The following ARMH3 variants were observed in gnomAD, a reference collection of about 807,000 sequenced individuals.
The protein encoded by ARMH3 is armadillo-like helical domain-containing protein 3.
Under a neutral mutation model 99.1 loss-of-function variants are expected in ARMH3, and 60 were observed. That is an observed-to-expected ratio of 0.61 (90% confidence interval 0.49 to 0.75). ARMH3 has a LOEUF of 0.75. ARMH3 is among the 30% of genes least tolerant of loss of function. The pLI is 0.00. For synonymous variants in ARMH3, 285 were observed against 292.8 expected (o/e 0.97, Z 0.27); for missense variants, 679 against 843.1 (o/e 0.81, Z 2.41).
chr10:102,033,401 T>C, intron 2 of ARMH3, 62 bp from the exon 3 acceptor site: 3 of 1,493,544 alleles, frequency 2.0e-6, no homozygotes, highest in South Asian at 1.2e-5. Context: ...TTAAGAATAC[T>C]ATACATAGTC....
chr10:101,957,880 G>T, intron 20 of ARMH3, 148 bp from the exon 21 acceptor site: 1 of 1,190,306 alleles, frequency 8.4e-7, no homozygotes, highest in Non-Finnish European at 1.1e-6. Context: ...AGGTAAGGTA[G>T]GTATATTTGA....
At chr10:101,985,189 T>G (rs1444913968) in intron 19 of ARMH3, among the ~76,000 whole-genome samples, 1 of 147,234 alleles carries the variant, frequency 6.8e-6, no homozygotes, top group African/African-American at 2.5e-5. Context: ...TGAATATATA[T>G]GTGTGTATAT....
rs2066579211 is a variant in ARMH3, at chr10:102,009,383, T to C, written c.945A>G (p.Val315=). The C allele has an allele frequency of 1.9e-6, 3 of 1,613,518 alleles. No homozygotes were observed. Among genetic ancestry groups the C allele is most frequent in the East Asian group, 2.2e-5 (1 of 44,874 alleles). ...TTTTAATGTGACCAACCTGAGCTAA[T>C]ACTGTGATGAAGTTGCGATTTAAAT... ...AVHLNRNFIT[V]LAQSHPEMGL... is the part of the protein sequence containing the mutation. The change falls in exon 13 of 26, where the codon GTA becomes GTG. Residue 315 remains valine (V), a synonymous_variant. Coordinates refer to ENST00000370033, the MANE Select transcript of ARMH3 (RefSeq NM_024541.3).
intron 8 of ARMH3, among the ~76,000 whole-genome samples, chr10:102,016,339 A>G (rs922394074): frequency 6.6e-6 from 1 of 152,222 alleles, no homozygotes; most frequent in African/African-American, 2.4e-5. Flanking sequence ...TCAGATTTTC[A>G]GATAAGAAAT....
At chr10:102,027,230 G>A (rs1026548210) in intron 5 of ARMH3, among the ~76,000 whole-genome samples, 1 of 144,798 alleles carries the variant, frequency 6.9e-6, no homozygotes, top group Admixed American at 7.2e-5. Context: ...AGTGAGCCGA[G>A]ATTGCACCAC....
At chr10:101,999,690 T>C (rs760915728) in intron 15 of ARMH3, among the ~76,000 whole-genome samples, 1 of 152,216 alleles carries the variant, frequency 6.6e-6, no homozygotes, top group Non-Finnish European at 1.5e-5. Context: ...GATATAATAA[T>C]GGTATTCTGG....
chr10:102,009,227 C>G, intron 13 of ARMH3, 147 bp downstream of exon 13: 1 of 720,532 alleles, frequency 1.4e-6, no homozygotes, highest in East Asian at 2.5e-5. Context: ...CAGCAGGAAA[C>G]AAAGGCAACT....
chr10:101,997,506 C>T (rs1397291861), intron 15 of ARMH3, among the ~76,000 whole-genome samples: 4 of 150,646 alleles, frequency 2.7e-5, no homozygotes, highest in African/African-American at 2.5e-5. Context: ...GCAGGGGAAT[C>T]GCTTGAACCC....
At chr10:101,908,084 C>A (rs886618912) in intron 23 of ARMH3, among the ~76,000 whole-genome samples, 4 of 151,908 alleles carry the variant, frequency 2.6e-5, no homozygotes, top group African/African-American at 9.7e-5. Flanking sequence ...AACTAAAGAA[C>A]TGAATTTTAA....
intron 2 of ARMH3, among the ~76,000 whole-genome samples, chr10:102,037,016 C>A (rs2067293840): frequency 6.6e-6 from 1 of 151,744 alleles, no homozygotes; most frequent in Non-Finnish European, 1.5e-5. Flanking sequence ...CACGCCACTG[C>A]ACTCCAGCTT....
intron 23 of ARMH3, among the ~76,000 whole-genome samples, chr10:101,938,350 C>G (rs576737131): frequency 6.6e-6 from 1 of 152,210 alleles, no homozygotes; most frequent in East Asian, 1.9e-4. Context: ...CAGCCCAGTC[C>G]TTTCTTAGCT....
At chr10:102,047,351 G>C (rs1269594037) in intron 1 of ARMH3, among the ~76,000 whole-genome samples, 1 of 152,114 alleles carries the variant, frequency 6.6e-6, no homozygotes, top group Non-Finnish European at 1.5e-5. Context: ...AGTCAACTAA[G>C]AGTCTGTACA....
At chr10:102,019,660 G>A (rs2066832091) in intron 8 of ARMH3, among the ~76,000 whole-genome samples, 1 of 152,128 alleles carries the variant, frequency 6.6e-6, no homozygotes, top group Non-Finnish European at 1.5e-5. Flanking sequence ...GGGCGCGGTG[G>A]CTCACGCCTG....
At chr10:102,009,877 C>G (rs2066592599) in intron 12 of ARMH3, 100 bp downstream of exon 12, 3 of 1,154,870 alleles carry the variant, frequency 2.6e-6, no homozygotes, top group Non-Finnish European at 2.5e-6. Flanking sequence ...AAGTATGATT[C>G]TGTAAAAGAT....
chr10:101,861,843 T>C (rs1589920716), intron 24 of ARMH3, among the ~76,000 whole-genome samples: 2 of 119,670 alleles, frequency 1.7e-5, no homozygotes, highest in Admixed American at 2.1e-4. Context: ...CCATCCTGGC[T>C]AACACAGCGA....
chr10:101,853,074 A>G (rs2066643538), intron 24 of ARMH3, among the ~76,000 whole-genome samples: 1 of 131,372 alleles, frequency 7.6e-6, no homozygotes, highest in African/African-American at 2.7e-5. Context: ...TTTTTTTAGT[A>G]GAGACGGGGT....
At chr10:101,960,955 G>A (rs1050967169) in intron 20 of ARMH3, among the ~76,000 whole-genome samples, 6 of 151,822 alleles carry the variant, frequency 4.0e-5, no homozygotes, top group Non-Finnish European at 8.8e-5. Flanking sequence ...ACGTGAAAGT[G>A]GGGTTACAGC....
intron 23 of ARMH3, among the ~76,000 whole-genome samples, chr10:101,904,112 C>G (rs532627951): frequency 6.6e-6 from 1 of 152,350 alleles, no homozygotes; most frequent in African/African-American, 2.4e-5. Flanking sequence ...CACCAAACCA[C>G]ACTGACGACA....
At chr10:102,027,563 T>C (rs1224965266) in intron 5 of ARMH3, among the ~76,000 whole-genome samples, 1 of 151,908 alleles carries the variant, frequency 6.6e-6, no homozygotes, top group African/African-American at 2.4e-5. Context: ...AAGCAAGAAG[T>C]ACTTATGGGA....
Sources: gnomAD v4.1 joint callset for allele counts (sites outside exome capture counted in the v4.1 genomes callset) on GRCh38, gnomAD v4.1.1 for gene constraint, MANE v1.5 for transcripts, NCBI Gene and HGNC (gene_info 2026-07-23, HGNC 2026-07-21) for gene names.